The following PARD3B variants were observed in gnomAD, a reference collection of about 807,000 sequenced individuals.
PARD3B encodes the protein par-3 family cell polarity regulator beta, also known as partitioning defective 3 homolog B.
A neutral mutation model predicts 130.2 loss-of-function variants in PARD3B; 103 were observed. The ratio of observed to expected loss-of-function variants is 0.79; its 90% confidence interval spans 0.67 to 0.93. PARD3B has a LOEUF of 0.93. Ranked by LOEUF, PARD3B falls within the 40% of genes least tolerant of loss-of-function variation. The probability of loss-of-function intolerance (pLI) is 0.00; values close to 1 mark genes in which losing one functional copy is unlikely to be tolerated. For synonymous variants in PARD3B, 583 were observed against 553.2 expected (o/e 1.05, Z -0.76); for missense variants, 1,609 against 1,499.2 (o/e 1.07, Z -1.21).
chr2:204,957,241 A>C (rs956448218), intron 2 of PARD3B, among the ~76,000 whole-genome samples: 2 of 152,210 alleles, frequency 1.3e-5, no homozygotes, highest in Non-Finnish European at 2.9e-5. Context: ...TTAGGAACAT[A>C]CTACATAATT....
intron 21 of PARD3B, among the ~76,000 whole-genome samples, chr2:205,534,064 AAAAAAGGGAC>A (rs201504070): frequency 0.023 from 3,528 of 151,996 alleles, 131 homozygotes; most frequent in African/African-American, 0.079. Context: ...CCAAAAAAAA[AAAAAAGGGAC>A]AAGAAGAGAC....
chr2:204,814,125 G>A (rs2043060125), intron 2 of PARD3B, among the ~76,000 whole-genome samples: 1 of 151,930 alleles, frequency 6.6e-6, no homozygotes, highest in Non-Finnish European at 1.5e-5. Flanking sequence ...TTTATTTAAT[G>A]CTTTAGTCTC....
chr2:204,570,217 A>G (rs2031913247), intron 1 of PARD3B, among the ~76,000 whole-genome samples: 1 of 152,148 alleles, frequency 6.6e-6, no homozygotes, highest in South Asian at 2.1e-4. Flanking sequence ...TTGTACTCTG[A>G]GTGAGCCAAG....
chr2:205,007,433 T>A (rs1695360526), intron 3 of PARD3B, among the ~76,000 whole-genome samples: 1 of 152,186 alleles, frequency 6.6e-6, no homozygotes, highest in Non-Finnish European at 1.5e-5. Flanking sequence ...CAGTACCATT[T>A]ATTGAATAGG....
chr2:205,063,110 G>T (rs977788725), intron 4 of PARD3B, among the ~76,000 whole-genome samples: 6 of 152,004 alleles, frequency 3.9e-5, no homozygotes, highest in Non-Finnish European at 8.8e-5. Context: ...ATTTGGGATA[G>T]TAGTTACAGA....
chr2:204,554,106 C>G (rs1169083828), intron 1 of PARD3B, among the ~76,000 whole-genome samples: 2 of 152,070 alleles, frequency 1.3e-5, no homozygotes, highest in African/African-American at 4.8e-5. Flanking sequence ...ACTCTCCTGA[C>G]TTTTTTCCTA....
chr2:205,615,998 G>C lies in PARD3B; in HGVS notation c.*185G>C, dbSNP rs1559276010. The C allele has an allele frequency of 3.6e-6, 2 of 561,926 alleles. No individual in the cohort carries two copies. The highest frequency in any genetic ancestry group is 6.0e-6 in the Non-Finnish European group (2 of 331,292). The allele number at this position is 561,926 out of a possible 1,614,324, so 34.8% of individuals were successfully genotyped here. On this transcript the variant is annotated 3_prime_UTR_variant, in exon 23 of 23. Coordinates refer to ENST00000406610, the MANE Select transcript of PARD3B (RefSeq NM_001302769.2). ...AAAGAAGGGGAAGGGAATTGGGGAG[G>C]AAAAAAAATCAGAAGGAAGACGAAA... is the stretch of plus-strand genomic sequence containing the variant.
chr2:204,561,032 G>GC (rs57145198), intron 1 of PARD3B, among the ~76,000 whole-genome samples: 152,152 of 152,160 alleles, frequency 1, 76,072 homozygotes, highest in Middle Eastern at 1. Flanking sequence ...GGCCACCCAG[G>GC]CTGGGGTTCC....
chr2:205,384,040 T>A (rs1203411731), intron 18 of PARD3B, among the ~76,000 whole-genome samples: 1 of 152,102 alleles, frequency 6.6e-6, no homozygotes, highest in African/African-American at 2.4e-5. Flanking sequence ...TTATCTCCCC[T>A]TAGCACAGTT....
intron 2 of PARD3B, among the ~76,000 whole-genome samples, chr2:204,778,267 T>C (rs1269816227): frequency 1.3e-5 from 2 of 152,162 alleles, no homozygotes; most frequent in Non-Finnish European, 2.9e-5. Flanking sequence ...CATGTGGTCA[T>C]TTAGTCTGCT....
intron 16 of PARD3B, among the ~76,000 whole-genome samples, chr2:205,282,436 C>T (rs1574588575): frequency 6.6e-6 from 1 of 150,758 alleles, no homozygotes; most frequent in East Asian, 1.9e-4. Context: ...TTTGTCTCCT[C>T]TTCAGGTATT....
intron 1 of PARD3B, among the ~76,000 whole-genome samples, chr2:204,620,916 T>C (rs2034278096): frequency 9.5e-6 from 1 of 105,676 alleles, no homozygotes; most frequent in Non-Finnish European, 2.2e-5. Flanking sequence ...TGAGAGACTT[T>C]GATCTACACT....
At chr2:205,275,316 A>C (rs1384983495) in intron 16 of PARD3B, among the ~76,000 whole-genome samples, 1 of 152,182 alleles carries the variant, frequency 6.6e-6, no homozygotes, top group Non-Finnish European at 1.5e-5. Context: ...AAGAGAAATT[A>C]GTCTCTGAAA....
intron 21 of PARD3B, among the ~76,000 whole-genome samples, chr2:205,541,151 G>A (rs2052108409): frequency 6.6e-6 from 1 of 152,084 alleles, no homozygotes; most frequent in African/African-American, 2.4e-5. Context: ...TTTGATTAAT[G>A]GAAAGAAATT....
intron 1 of PARD3B, among the ~76,000 whole-genome samples, chr2:204,589,536 AT>A (rs1054629830): frequency 5.3e-5 from 8 of 152,190 alleles, no homozygotes; most frequent in African/African-American, 1.9e-4. Flanking sequence ...AAACAGTTAA[AT>A]CTAGAAGACC....
chr2:204,826,787 A>T (rs1439424838), intron 2 of PARD3B, among the ~76,000 whole-genome samples: 1 of 152,100 alleles, frequency 6.6e-6, no homozygotes, highest in Non-Finnish European at 1.5e-5. Context: ...TGGGAGGCTG[A>T]GGTGGGAGGA....
At chr2:204,945,927 C>T (rs900848583) in intron 2 of PARD3B, among the ~76,000 whole-genome samples, 5 of 152,168 alleles carry the variant, frequency 3.3e-5, no homozygotes, top group Admixed American at 6.5e-5. Flanking sequence ...CAATTTCGTG[C>T]TCCCATGCGT....
At chr2:205,070,440 C>G (rs1404809834) in intron 4 of PARD3B, among the ~76,000 whole-genome samples, 2 of 151,796 alleles carry the variant, frequency 1.3e-5, no homozygotes, top group Non-Finnish European at 2.9e-5. Context: ...CATTGACTTG[C>G]AGAAAACCAA....
intron 16 of PARD3B, among the ~76,000 whole-genome samples, chr2:205,272,037 A>C (rs756520594): frequency 6.6e-6 from 1 of 152,082 alleles, no homozygotes; most frequent in Non-Finnish European, 1.5e-5. Context: ...GCACACCTGT[A>C]GTCCCAGCAA....
Sources: gnomAD v4.1 joint callset for allele counts (sites outside exome capture counted in the v4.1 genomes callset) on GRCh38, gnomAD v4.1.1 for gene constraint, MANE v1.5 for transcripts, NCBI Gene and HGNC (gene_info 2026-07-23, HGNC 2026-07-21) for gene names.